The following WASHC2A variants were observed in gnomAD, a reference collection of about 807,000 sequenced individuals.
WASHC2A encodes WASH complex subunit FAM21A.
WASHC2A carries 82 observed loss-of-function variants against 140.3 expected under a neutral mutation model. The observed-to-expected ratio is 0.58, with a 90% confidence interval of 0.49 to 0.70. The LOEUF is 0.70. Among genes scored for constraint, WASHC2A ranks in the 30% least tolerant of loss-of-function variants. WASHC2A has a pLI of 0.00. For missense variants in WASHC2A, 985 were observed against 1,521.8 expected, an observed-to-expected ratio of 0.65 and a Z score of 5.87; for synonymous variants, 340 against 560.8, an observed-to-expected ratio of 0.61 and a Z score of 5.56.
intron 30 of WASHC2A, among the ~76,000 whole-genome samples, 166 bp from the exon 31 acceptor site, chr10:50,132,640 T>C (rs1182110354): frequency 2.9e-4 from 44 of 152,290 alleles, no homozygotes; most frequent in Non-Finnish European, 5.7e-4. Context: ...ATTTAATGAG[T>C]AACAAACACA....
intron 8 of WASHC2A, 116 bp downstream of exon 8, chr10:50,087,438 A>G (rs1190005356): frequency 4.4e-5 from 60 of 1,359,590 alleles, no homozygotes; most frequent in Non-Finnish European, 5.7e-5. Context: ...CTTGTATACA[A>G]TTTATTTTCC....
chr10:50,120,636 AAAAT>A, intron 23 of WASHC2A, among the ~76,000 whole-genome samples: 2 of 141,358 alleles, frequency 1.4e-5, no homozygotes, highest in Non-Finnish European at 3.0e-5. Flanking sequence ...AAAAAAAAAA[AAAAT>A]AGATGATGGT....
chr10:50,112,119 A>T, intron 20 of WASHC2A: 1 of 984,538 alleles, frequency 1.0e-6, no homozygotes, highest in Non-Finnish European at 1.2e-6. Flanking sequence ...ATACCCCAAC[A>T]CCCTCAGCTG....
chr10:50,073,261 C>A (rs1554876838), intron 3 of WASHC2A, among the ~76,000 whole-genome samples: 1 of 151,776 alleles, frequency 6.6e-6, no homozygotes, highest in African/African-American at 2.4e-5. Flanking sequence ...TCAATTGTTT[C>A]CAAATCTTAG....
intron 10 of WASHC2A, among the ~76,000 whole-genome samples, chr10:50,091,818 C>T (rs1839956295): frequency 6.6e-6 from 1 of 152,238 alleles, no homozygotes; most frequent in African/African-American, 2.4e-5. Flanking sequence ...TTAAGAATTC[C>T]TGGCTGAATA....
intron 15 of WASHC2A, 31 bp downstream of exon 15, chr10:50,095,809 T>G: frequency 6.3e-7 from 1 of 1,577,388 alleles, no homozygotes; most frequent in Admixed American, 1.9e-5. Context: ...TTCTAGGACT[T>G]CAGCCAGAAA....
chr10:50,123,937 G>T (rs1159516603), intron 23 of WASHC2A, among the ~76,000 whole-genome samples: 38 of 151,938 alleles, frequency 2.5e-4, no homozygotes, highest in African/African-American at 9.2e-4. Context: ...TTTTCTCCCA[G>T]TCTCTTACTG....
intron 8 of WASHC2A, among the ~76,000 whole-genome samples, chr10:50,088,584 T>C (rs1554881746): frequency 6.8e-6 from 1 of 146,866 alleles, no homozygotes; most frequent in African/African-American, 2.5e-5. Flanking sequence ...TAGAAATCCT[T>C]TGCTTCGGTG....
rs1379934444 is a variant in WASHC2A, at chr10:50,079,024, G to A, written c.354+287G>A. ...ATTACAGATTTGGAGGGTCACAGAG[G>A]TCATTTTTTTCCTGTGGCTTCCTGA... On this transcript the variant is annotated intron_variant, in intron 4 of 30. Transcript: ENST00000282633. Among the ~76,000 whole-genome samples, 106 of 150,956 alleles carry A rather than the reference G, an allele frequency of 7.0e-4. 1 individual carries two copies. In the Middle Eastern group the frequency reaches 0.01, roughly 15 times the overall value.
intron 20 of WASHC2A, among the ~76,000 whole-genome samples, chr10:50,111,539 A>T (rs1448179308): frequency 7.2e-5 from 11 of 152,278 alleles, no homozygotes; most frequent in Admixed American, 1.3e-4. Flanking sequence ...GTTTGTTGGG[A>T]TGATGAGGTG....
Position 50,069,464 on chromosome 10 carries a change from A to G in WASHC2A, c.127-83A>G, listed in dbSNP as rs1837598106. 2.7e-6 allele frequency: 4 copies of G among 1,479,606 alleles called. No individual in the cohort carries two copies. In the African/African-American group the frequency reaches 4.3e-5, roughly 16 times the overall value. The allele number at this position is 1,479,606 out of a possible 1,614,324, so 91.7% of individuals were successfully genotyped here. A position where few individuals can be genotyped will look rare whatever the true frequency, so the allele number is the denominator to read the frequency against. Reference sequence around the variant, plus strand: ...TCACATTCTAACACTCAAAGGTGAAAGGAAATGGGTTCTTTTTTGATGTGA... The same window carrying G: ...TCACATTCTAACACTCAAAGGTGAAGGGAAATGGGTTCTTTTTTGATGTGA... On this transcript the variant is annotated intron_variant, in intron 2 of 30. Coordinates refer to ENST00000282633, the MANE Select transcript of WASHC2A (RefSeq NM_001005751.3).
intron 4 of WASHC2A, among the ~76,000 whole-genome samples, chr10:50,079,631 T>A (rs1341811617): frequency 1.3e-5 from 2 of 152,208 alleles, no homozygotes; most frequent in Non-Finnish European, 2.9e-5. Flanking sequence ...ACTCCTGACC[T>A]CAAATGATCC....
chr10:50,112,052 T>C (rs1205861113), intron 20 of WASHC2A: 1 of 985,170 alleles, frequency 1.0e-6, no homozygotes, highest in African/African-American at 1.7e-5. Flanking sequence ...TTCCTAACTT[T>C]AAACAGACGA....
intron 23 of WASHC2A, among the ~76,000 whole-genome samples, chr10:50,120,618 CAAA>C (rs1161708139): frequency 0.081 from 2,726 of 33,780 alleles, 16 homozygotes; most frequent in East Asian, 0.22. Flanking sequence ...GACTCCATCT[CAAA>C]AAAAAAAAAA....
intron 17 of WASHC2A, among the ~76,000 whole-genome samples, chr10:50,101,862 G>T (rs534738347): frequency 1.3e-5 from 2 of 150,650 alleles, no homozygotes; most frequent in South Asian, 4.2e-4. Context: ...GGGGCCCCTG[G>T]GACATCTCTC....
chr10:50,133,037 A>T lies in WASHC2A; in HGVS notation c.*92A>T. ...CTGATGGTCTTAACTGGATTACAAA[A>T]AGCAAATACTAGAACAGCTAGCTCA... On this transcript the variant is annotated 3_prime_UTR_variant, in exon 31 of 31. Coordinates refer to ENST00000282633, the MANE Select transcript of WASHC2A (RefSeq NM_001005751.3). The T allele has an allele frequency of 6.2e-7, 1 of 1,605,516 alleles. No homozygotes were observed. Among genetic ancestry groups the T allele is most frequent in the South Asian group, 1.1e-5 (1 of 89,938 alleles).
intron 5 of WASHC2A, among the ~76,000 whole-genome samples, chr10:50,082,041 C>T (rs1374104310): frequency 1.3e-5 from 2 of 152,102 alleles, no homozygotes; most frequent in African/African-American, 2.4e-5. Flanking sequence ...GGTACACTTG[C>T]TGCTTGGATT....
intron 23 of WASHC2A, among the ~76,000 whole-genome samples, chr10:50,120,536 C>T (rs1247463122): frequency 8.4e-6 from 1 of 119,136 alleles, no homozygotes; most frequent in Non-Finnish European, 1.7e-5. Context: ...AGAAGAATTG[C>T]TTGAACCAGG....
At chr10:50,102,923 A>G (rs1241100779) in intron 17 of WASHC2A, among the ~76,000 whole-genome samples, 6 of 151,676 alleles carry the variant, frequency 4.0e-5, no homozygotes, top group African/African-American at 9.7e-5. Flanking sequence ...CTGGAGTGCA[A>G]TGGTGGGATC....
Sources: allele counts gnomAD v4.1 joint callset (sites outside exome capture counted in the v4.1 genomes callset), GRCh38; gene constraint gnomAD v4.1.1; transcripts MANE v1.5; gene names NCBI Gene and HGNC (gene_info 2026-07-23, HGNC 2026-07-21).